Variants in SOX6 observed in about 807,000 individuals in gnomAD.
SOX6 encodes SRY-box transcription factor 6, also known as transcription factor SOX-6.
Under a neutral mutation model 97.8 loss-of-function variants are expected in SOX6, and 11 were observed. The observed-to-expected ratio is 0.11, with a 90% CI of 0.07 to 0.19. The LOEUF is 0.19. Ranked by LOEUF, SOX6 falls within the 10% of genes least tolerant of loss-of-function variation. SOX6 has a pLI of 1.00. For synonymous variants in SOX6, 360 were observed against 371.4 expected, an observed-to-expected ratio of 0.97 and a Z score of 0.35; for missense variants, 810 against 1,039.5, an observed-to-expected ratio of 0.78 and a Z score of 3.04.
At chr11:16,481,816 T>C (rs1394608884) in intron 4 of SOX6, among the ~76,000 whole-genome samples, 6 of 152,214 alleles carry the variant, frequency 3.9e-5, no homozygotes, top group African/African-American at 1.4e-4. Flanking sequence ...CAAAGAGCTA[T>C]TGTTACATTT....
chr11:16,481,119 T>C (rs983750399), upstream of SOX6, among the ~76,000 whole-genome samples: 6 of 152,180 alleles, frequency 3.9e-5, no homozygotes, highest in Non-Finnish European at 8.8e-5. Flanking sequence ...ATTTAAAAAT[T>C]TCAATTCTTC....
intron 3 of SOX6, among the ~76,000 whole-genome samples, chr11:16,253,889 T>C (rs972488469): frequency 6.6e-6 from 1 of 151,890 alleles, no homozygotes; most frequent in Non-Finnish European, 1.5e-5. Context: ...CTAAGTATGA[T>C]AAATGTCCAA....
At chr11:16,322,570 T>C (rs772190147) in intron 2 of SOX6, among the ~76,000 whole-genome samples, 70 of 152,304 alleles carry the variant, frequency 4.6e-4, no homozygotes, top group Non-Finnish European at 3.7e-4. Context: ...CAAGTCTTAA[T>C]GCATGTCACT....
intron 3 of SOX6, among the ~76,000 whole-genome samples, chr11:16,714,602 C>A (rs903150519): frequency 6.6e-6 from 1 of 151,964 alleles, no homozygotes; most frequent in South Asian, 2.1e-4. Flanking sequence ...CAGGCGAGCA[C>A]CACCACGCCC....
chr11:16,266,618 A>C (rs909948165), intron 3 of SOX6, among the ~76,000 whole-genome samples: 1 of 151,654 alleles, frequency 6.6e-6, no homozygotes, highest in African/African-American at 2.4e-5. Flanking sequence ...AGATAAGTAG[A>C]ATCCAAATGT....
chr11:16,183,803 G>T (rs978511194), intron 6 of SOX6, 83 bp downstream of exon 6: 3 of 1,220,082 alleles, frequency 2.5e-6, no homozygotes, highest in African/African-American at 3.0e-5. Context: ...TAAGACAGGG[G>T]TACATCTGCA....
At chr11:16,498,405 A>G (rs555112551) in intron 4 of SOX6, among the ~76,000 whole-genome samples, 64 of 152,234 alleles carry the variant, frequency 4.2e-4, no homozygotes, top group African/African-American at 1.5e-3. Flanking sequence ...ATCAACTAAC[A>G]AGCAAAATAA....
At chr11:16,055,717 TA>T (rs1847797578) in intron 10 of SOX6, 34 bp downstream of exon 10, 1 of 1,613,168 alleles carries the variant, frequency 6.2e-7, no homozygotes, top group African/African-American at 1.3e-5. Context: ...AACTTTTTTC[TA>T]AACTGTTTCC....
chr11:16,445,193 T>C (rs751236764), intron 1 of SOX6, among the ~76,000 whole-genome samples: 4 of 152,178 alleles, frequency 2.6e-5, no homozygotes, highest in African/African-American at 4.8e-5. Flanking sequence ...CACATTAAAA[T>C]ACATAAACAT....
At chr11:16,287,065 A>G (rs1185107640) in intron 3 of SOX6, among the ~76,000 whole-genome samples, 1 of 152,080 alleles carries the variant, frequency 6.6e-6, no homozygotes. Flanking sequence ...ACACAAATAT[A>G]CTTTCCTGTT....
intron 3 of SOX6, among the ~76,000 whole-genome samples, chr11:16,289,323 A>C (rs1854839556): frequency 6.6e-6 from 1 of 152,002 alleles, no homozygotes; most frequent in Non-Finnish European, 1.5e-5. Flanking sequence ...AGATCTGTGC[A>C]TATGAAGTAA....
chr11:16,437,963 A>G (rs1859417111), intron 1 of SOX6, among the ~76,000 whole-genome samples: 1 of 151,928 alleles, frequency 6.6e-6, no homozygotes, highest in South Asian at 2.1e-4. Context: ...TCTTTTTCTT[A>G]ACTATAGCCA....
At chr11:16,228,787 C>T (rs1232479188) in intron 4 of SOX6, among the ~76,000 whole-genome samples, 2 of 151,856 alleles carry the variant, frequency 1.3e-5, no homozygotes, top group African/African-American at 4.8e-5. Context: ...TACATATAGA[C>T]AATAAAAAAA....
chr11:16,733,195 A>T (rs1038734899), intron 2 of SOX6, among the ~76,000 whole-genome samples: 1 of 152,260 alleles, frequency 6.6e-6, no homozygotes, highest in Non-Finnish European at 1.5e-5. Context: ...TAGAACAAGA[A>T]ATGCCATTTG....
chr11:16,228,911 G>A (rs552436628), intron 4 of SOX6, among the ~76,000 whole-genome samples: 10 of 152,180 alleles, frequency 6.6e-5, no homozygotes, highest in African/African-American at 2.2e-4. Context: ...ATTGCTTTAC[G>A]TTAATCAGAT....
At chr11:16,521,575 C>T (rs1215251366) in intron 4 of SOX6, among the ~76,000 whole-genome samples, 1 of 152,208 alleles carries the variant, frequency 6.6e-6, no homozygotes, top group African/African-American at 2.4e-5. Context: ...AGCAGAGCGC[C>T]TCTTCTCCTC....
At chr11:16,200,035 G>T (rs1242366107) in intron 4 of SOX6, among the ~76,000 whole-genome samples, 1 of 152,044 alleles carries the variant, frequency 6.6e-6, no homozygotes, top group African/African-American at 2.4e-5. Flanking sequence ...ATTCTTAATT[G>T]CCCAAAGAAA....
At chr11:16,108,299 A>C (rs1408113405) in intron 7 of SOX6, among the ~76,000 whole-genome samples, 1 of 152,090 alleles carries the variant, frequency 6.6e-6, no homozygotes, top group Non-Finnish European at 1.5e-5. Flanking sequence ...AGGAAACTTC[A>C]AGTGTGCTTT....
At chr11:16,369,787 C>T (rs1026345608) in intron 1 of SOX6, among the ~76,000 whole-genome samples, 1 of 152,276 alleles carries the variant, frequency 6.6e-6, no homozygotes, top group Non-Finnish European at 1.5e-5. Flanking sequence ...CCTTGTGATG[C>T]TGGGGCACGA....
Sources: allele counts gnomAD v4.1 joint callset (sites outside exome capture counted in the v4.1 genomes callset), GRCh38; gene constraint gnomAD v4.1.1; transcripts MANE v1.5; gene names NCBI Gene and HGNC (gene_info 2026-07-23, HGNC 2026-07-21).